The following LRRK2 variants were observed in gnomAD, a reference collection of about 807,000 sequenced individuals.
LRRK2 encodes the protein leucine-rich repeat serine/threonine-protein kinase 2.
A neutral mutation model predicts 302.6 loss-of-function variants in LRRK2; 203 were observed. The observed-to-expected ratio is 0.67, with a 90% confidence interval of 0.60 to 0.75. The LOEUF (loss-of-function observed/expected upper bound fraction) is 0.75. LRRK2 is among the 30% of genes least tolerant of loss of function. LRRK2 has a pLI of 0.00. For missense variants in LRRK2, 2,830 were observed against 2,951.0 expected (o/e 0.96, Z 0.95); for synonymous variants, 1,066 against 1,031.9 (o/e 1.03, Z -0.63).
chr12:40,363,642 C>A, intron 48 of LRRK2, 88 bp downstream of exon 48: 1 of 1,426,202 alleles, frequency 7.0e-7, no homozygotes, highest in Non-Finnish European at 9.7e-7. Context: ...TTCCTTTCTG[C>A]CTCTGAATAG....
Position 40,308,663 on chromosome 12 carries a change from A to G in LRRK2, c.4156A>G (p.Arg1386Gly), listed in dbSNP as rs373130570. ...TATCCAAATAAGAGACAAAAGAAAG[A>G]GAGATCTCGTCCTAAATGTGTGGGA... ...WPIQIRDKRK[R>G]DLVLNVWDFA... The change falls in exon 29 of 51, where the codon AGA (arginine) becomes GGA (glycine). Residue 1386 changes from arginine to glycine, a missense_variant. This residue lies in a region of LRRK2 where 2,121 missense variants were observed against 2,148.0 expected (regional missense o/e 0.99). Coordinates refer to ENST00000298910, the MANE Select transcript of LRRK2 (RefSeq NM_198578.4). The G allele has an allele frequency of 6.2e-6, 10 of 1,613,774 alleles. No homozygotes were observed. Among genetic ancestry groups the G allele is most frequent in the Non-Finnish European group, 8.5e-6 (10 of 1,179,908 alleles).
intron 43 of LRRK2, among the ~76,000 whole-genome samples, chr12:40,350,733 G>A (rs1946324279): frequency 6.6e-6 from 1 of 151,968 alleles, no homozygotes; most frequent in Non-Finnish European, 1.5e-5. Context: ...TACCATCAAT[G>A]TTAGTCACAT....
intron 19 of LRRK2, among the ~76,000 whole-genome samples, chr12:40,284,890 C>G (rs1371868503): frequency 1.3e-5 from 2 of 152,130 alleles, no homozygotes; most frequent in Non-Finnish European, 2.9e-5. Context: ...GATGCACTCA[C>G]TAGCAAAACA....
chr12:40,326,831 GA>G (rs1945567233), intron 38 of LRRK2, among the ~76,000 whole-genome samples: 1 of 152,132 alleles, frequency 6.6e-6, no homozygotes, highest in African/African-American at 2.4e-5. Flanking sequence ...TAGAATGAGA[GA>G]ATACCAAGAC....
intron 20 of LRRK2, among the ~76,000 whole-genome samples, chr12:40,290,219 CACTG>C (rs1944088771): frequency 6.6e-6 from 1 of 151,996 alleles, no homozygotes; most frequent in Non-Finnish European, 1.5e-5. Context: ...TGGTCAAATA[CACTG>C]ACTGATTTTC....
Position 40,302,774 on chromosome 12 carries a change from T to C in LRRK2, c.3497-15T>C, listed in dbSNP as rs1429743534. The C allele has an allele frequency of 2.0e-6, 3 of 1,501,600 alleles. No individual in the cohort carries two copies. Among genetic ancestry groups the C allele is most frequent in the Middle Eastern group, 1.7e-4 (1 of 5,772 alleles). The allele number at this position is 1,501,600 out of a possible 1,614,324, so 93.0% of individuals were successfully genotyped here. On this transcript the variant is annotated splice_polypyrimidine_tract_variant and intron_variant, in intron 25 of 50. Coordinates refer to ENST00000298910, the MANE Select transcript of LRRK2 (RefSeq NM_198578.4). ...TAAAATGATTAAAATGTTTATCTCATTTTTTTTCTTTTAGCTGCTATGCCT... is the reference window on the plus strand; with the variant it reads ...TAAAATGATTAAAATGTTTATCTCACTTTTTTTCTTTTAGCTGCTATGCCT...
intron 16 of LRRK2, 119 bp from the exon 17 acceptor site, chr12:40,277,769 A>G (rs1943520482): frequency 2.2e-6 from 2 of 928,794 alleles, no homozygotes; most frequent in African/African-American, 1.7e-5. Context: ...AACCCAATAT[A>G]TCTATAGTTA....
chr12:40,354,433 C>T lies in LRRK2; in HGVS notation c.6711C>T (p.Thr2237=). ...INTEDGKKRH[T]LEKMTDSVTC... The stretch of plus-strand genomic sequence containing the variant: ...CCGAAGATGGGAAAAAGAGACATAC[C>T]CTAGAAAAGATGACTGATTCTGTCA... The change falls in exon 45 of 51, where the codon ACC becomes ACT. Residue 2237 remains threonine (T), a synonymous_variant. Transcript: ENST00000298910. The T allele has an allele frequency of 6.2e-7, 1 of 1,614,022 alleles. No individual in the cohort carries two copies. Among genetic ancestry groups the T allele is most frequent in the Non-Finnish European group, 8.5e-7 (1 of 1,179,972 alleles).
At chr12:40,253,237 T>C (rs2136487253) in intron 11 of LRRK2, among the ~76,000 whole-genome samples, 1 of 152,322 alleles carries the variant, frequency 6.6e-6, no homozygotes, top group East Asian at 1.9e-4. Context: ...CGGACTTCTA[T>C]GTGTAAACTC....
intron 41 of LRRK2, among the ~76,000 whole-genome samples, chr12:40,342,321 A>T (rs1217192272): frequency 6.6e-6 from 1 of 152,050 alleles, no homozygotes; most frequent in Non-Finnish European, 1.5e-5. Context: ...TATCCATCTG[A>T]TTCTTCATAC....
intron 14 of LRRK2, among the ~76,000 whole-genome samples, chr12:40,264,260 G>A (rs556781802): frequency 6.6e-6 from 1 of 152,190 alleles, no homozygotes; most frequent in South Asian, 2.1e-4. Flanking sequence ...CTGTCCTCTG[G>A]CTACTTGTCT....
chr12:40,246,081 A>G (rs1393362356), intron 7 of LRRK2, among the ~76,000 whole-genome samples: 1 of 151,934 alleles, frequency 6.6e-6, no homozygotes, highest in African/African-American at 2.4e-5. Context: ...AAAATAATGC[A>G]TCTTACAAGG....
At chr12:40,267,440 G>A (rs953774308) in intron 14 of LRRK2, among the ~76,000 whole-genome samples, 1 of 152,154 alleles carries the variant, frequency 6.6e-6, no homozygotes, top group African/African-American at 2.4e-5. Flanking sequence ...GAGTGTTGGT[G>A]AAAAGTGGAA....
chr12:40,283,387 C>T (rs890731696), intron 18 of LRRK2, among the ~76,000 whole-genome samples: 1 of 152,194 alleles, frequency 6.6e-6, no homozygotes, highest in African/African-American at 2.4e-5. Flanking sequence ...GAAAGCTAGA[C>T]ACGAGTAATG....
At chr12:40,352,978 A>G (rs1004342696) in intron 44 of LRRK2, among the ~76,000 whole-genome samples, 3 of 151,924 alleles carry the variant, frequency 2.0e-5, no homozygotes, top group African/African-American at 7.3e-5. Context: ...TGCTGGGTAC[A>G]CCTCCCAGAC....
intron 25 of LRRK2, chr12:40,301,185 C>CA (rs1336009452): frequency 4.4e-6 from 2 of 450,304 alleles, no homozygotes; most frequent in Non-Finnish European, 9.0e-6. Context: ...GAAGATGCCC[C>CA]ATGGAGGTGA....
chr12:40,317,375 A>G (rs1945257431), intron 33 of LRRK2, among the ~76,000 whole-genome samples: 1 of 152,136 alleles, frequency 6.6e-6, no homozygotes, highest in South Asian at 2.1e-4. Flanking sequence ...CTAAATAATC[A>G]AGTGAAACCA....
chr12:40,363,402 G>A lies in LRRK2; in HGVS notation c.7029G>A (p.Leu2343=). ...ACTTTCTATTTTTTTTTCTCTGTAG[G>A]TTTTCTTATGCAGCTTTCAGTGATT... The part of the protein sequence containing the change: ...QKLIETRTSQ[L]FSYAAFSDSN... The change falls in exon 48 of 51, where the codon CTG becomes CTA. Residue 2343 remains leucine (L), a splice_region_variant and synonymous_variant. Transcript: ENST00000298910. The A allele has an allele frequency of 6.2e-7, 1 of 1,610,276 alleles. No individual in the cohort carries two copies. The highest frequency in any genetic ancestry group is 2.2e-5 in the East Asian group (1 of 44,728).
chr12:40,348,670 CA>C (rs1946265890), intron 43 of LRRK2, among the ~76,000 whole-genome samples, 161 bp downstream of exon 43: 1 of 152,026 alleles, frequency 6.6e-6, no homozygotes, highest in Non-Finnish European at 1.5e-5. Context: ...ATCCCAGGCA[CA>C]AAAAAAGGAC....
Sources: allele counts gnomAD v4.1 joint callset (sites outside exome capture counted in the v4.1 genomes callset), GRCh38; gene constraint gnomAD v4.1.1; regional missense constraint gnomAD v4.1.1; transcripts MANE v1.5; gene names NCBI Gene and HGNC (gene_info 2026-07-23, HGNC 2026-07-21).